The following SCGN variants were observed in gnomAD, a reference collection of about 807,000 sequenced individuals.
SCGN encodes secretagogin.
A neutral mutation model predicts 39.7 loss-of-function variants in SCGN; 30 were observed. The ratio of observed to expected loss-of-function variants is 0.76; its 90% CI spans 0.57 to 1.03. The LOEUF is 1.03. Ranked by LOEUF, SCGN falls within the 50% of genes least tolerant of loss-of-function variation. The probability of loss-of-function intolerance (pLI) is 0.00; values close to 1 mark genes in which losing one functional copy is unlikely to be tolerated. For synonymous variants in SCGN, 106 were observed against 114.1 expected, an observed-to-expected ratio of 0.93 and a Z score of 0.45; for missense variants, 353 against 349.4, an observed-to-expected ratio of 1.01 and a Z score of -0.08.
chr6:25,661,347 T>C (rs933189465), intron 2 of SCGN, among the ~76,000 whole-genome samples: 4 of 152,236 alleles, frequency 2.6e-5, no homozygotes, highest in Non-Finnish European at 2.9e-5. Context: ...CTAGTCAAGA[T>C]TCTGATTAGT....
intron 6 of SCGN, among the ~76,000 whole-genome samples, chr6:25,677,838 T>G (rs1416075540): frequency 2.0e-5 from 3 of 152,180 alleles, no homozygotes; most frequent in Non-Finnish European, 4.4e-5. Context: ...TAAGAATTGT[T>G]TTAAAAAGTC....
In SCGN at chr6:25,698,026, A is replaced by G. The variant is rs1228252338; in HGVS notation, c.703-3181A>G. On this transcript the variant is annotated intron_variant, in intron 10 of 10. Transcript: ENST00000377961. ...TCTGAAGATTAGAGTTAATATATTTAGAGCTCTTACCTCAGGAACCTATCT... is the reference window on the plus strand; with the variant it reads ...TCTGAAGATTAGAGTTAATATATTTGGAGCTCTTACCTCAGGAACCTATCT... Among the ~76,000 whole-genome samples the G allele has an allele frequency of 2.0e-5, 3 of 152,236 alleles. No homozygotes were observed. In the East Asian group the frequency reaches 5.8e-4, roughly 29 times the overall value.
chr6:25,683,827 A>C (rs1759668380), intron 7 of SCGN, among the ~76,000 whole-genome samples: 1 of 152,234 alleles, frequency 6.6e-6, no homozygotes. Flanking sequence ...AAGTATGTTA[A>C]TCTCTTAACA....
chr6:25,689,404 G>A (rs1057055791), intron 8 of SCGN, 69 bp from the exon 9 acceptor site: 3 of 1,463,694 alleles, frequency 2.0e-6, no homozygotes, highest in African/African-American at 2.8e-5. Context: ...ATTTGCCCAG[G>A]ACTCTGGAAG....
intron 4 of SCGN, among the ~76,000 whole-genome samples, 187 bp from the exon 5 acceptor site, chr6:25,669,324 T>G (rs1759459112): frequency 6.6e-6 from 1 of 152,132 alleles, no homozygotes; most frequent in South Asian, 2.1e-4. Context: ...TCCAAGTGAA[T>G]GCAGTGATCC....
rs576576322 is a variant in SCGN at position 25,654,905 on chromosome 6, C to T, written c.153+1453C>T. ...TTCTTTCCTCTGGTCAGACCACTTGCGCACACTCCTCTTTATCCTTCATTC... is the reference window on the plus strand; with the variant it reads ...TTCTTTCCTCTGGTCAGACCACTTGTGCACACTCCTCTTTATCCTTCATTC... On this transcript the variant is annotated intron_variant, in intron 2 of 10. Coordinates refer to ENST00000377961, the MANE Select transcript of SCGN (RefSeq NM_006998.4). Among the ~76,000 whole-genome samples the T allele has an allele frequency of 5.9e-5, 9 of 152,264 alleles. No homozygotes were observed. The South Asian group carries it at 6.2e-4, about 11-fold the overall frequency.
At chr6:25,667,477 C>A (rs1229034033) in intron 4 of SCGN, among the ~76,000 whole-genome samples, 1 of 152,166 alleles carries the variant, frequency 6.6e-6, no homozygotes, top group East Asian at 1.9e-4. Flanking sequence ...ACCACAGGGT[C>A]TTAACACACT....
intron 10 of SCGN, among the ~76,000 whole-genome samples, chr6:25,693,336 C>T (rs532874622): frequency 2.7e-5 from 4 of 150,460 alleles, no homozygotes; most frequent in Non-Finnish European, 3.0e-5. Context: ...CCTGTAGTCC[C>T]AGCTACTCAG....
intron 4 of SCGN, among the ~76,000 whole-genome samples, chr6:25,668,837 C>CTT (rs1759436492): frequency 6.6e-6 from 1 of 152,146 alleles, no homozygotes; most frequent in Admixed American, 6.5e-5. Context: ...ATTGGCCGGG[C>CTT]GCAGTGGCTC....
At chr6:25,694,297 G>A (rs930112123) in intron 10 of SCGN, among the ~76,000 whole-genome samples, 1 of 152,112 alleles carries the variant, frequency 6.6e-6, no homozygotes, top group East Asian at 1.9e-4. Flanking sequence ...GGTTTCCAAA[G>A]GCCAGTAGGA....
At chr6:25,668,687 G>T (rs1759433463) in intron 4 of SCGN, among the ~76,000 whole-genome samples, 1 of 149,906 alleles carries the variant, frequency 6.7e-6, no homozygotes, top group South Asian at 2.1e-4. Flanking sequence ...AGGCTTTGTT[G>T]CCAGGGACAG....
intron 4 of SCGN, 130 bp from the exon 5 acceptor site, chr6:25,669,380 TA>T: frequency 1.3e-6 from 1 of 779,796 alleles, no homozygotes; most frequent in Non-Finnish European, 2.1e-6. Flanking sequence ...AAAGAAAGCC[TA>T]AAGTTTCCAT....
chr6:25,700,178 G>T (rs1759891798), intron 10 of SCGN, among the ~76,000 whole-genome samples: 2 of 147,996 alleles, frequency 1.4e-5, no homozygotes, highest in African/African-American at 5.0e-5. Flanking sequence ...CCGGGAGACG[G>T]TAGTTGCAGT....
intron 2 of SCGN, among the ~76,000 whole-genome samples, chr6:25,655,611 T>G (rs16890900): frequency 0.28 from 42,928 of 152,022 alleles, 6,130 homozygotes; most frequent in African/African-American, 0.33. Flanking sequence ...GGGTTGGAAG[T>G]TCTCATAATC....
chr6:25,701,131 G>A, intron 10 of SCGN, 76 bp from the exon 11 acceptor site: 1 of 1,511,280 alleles, frequency 6.6e-7, no homozygotes, highest in African/African-American at 1.4e-5. Context: ...CTAAGCTTAG[G>A]GAGCATCAGA....
In SCGN at chr6:25,665,135, A is replaced by G. The variant is rs1582574484; in HGVS notation, c.336+103A>G. On this transcript the variant is annotated intron_variant, in intron 4 of 10. Coordinates refer to ENST00000377961, the MANE Select transcript of SCGN (RefSeq NM_006998.4). ...ACCACTCCTGCCCAGTGCTCAAGGG[A>G]GAGCTGAGCACAGAGGATAAGACCA... The G allele has an allele frequency of 3.5e-6, 3 of 861,730 alleles. No individual in the cohort carries two copies. In the East Asian group the frequency reaches 7.3e-5, roughly 21 times the overall value. The allele number at this position is 861,730 out of a possible 1,614,324, so 53.4% of individuals were successfully genotyped here.
chr6:25,700,413 T>C (rs989869872), intron 10 of SCGN, among the ~76,000 whole-genome samples: 1 of 152,150 alleles, frequency 6.6e-6, no homozygotes, highest in Non-Finnish European at 1.5e-5. Context: ...GAGCACTCAA[T>C]TGGAATCAGA....
intron 6 of SCGN, among the ~76,000 whole-genome samples, 183 bp downstream of exon 6, chr6:25,670,259 C>G (rs1210625701): frequency 6.6e-6 from 1 of 152,168 alleles, no homozygotes; most frequent in Non-Finnish European, 1.5e-5. Context: ...CTCTTGTGAC[C>G]AGGTTGCATC....
chr6:25,688,739 T>C (rs1231241915), intron 7 of SCGN, among the ~76,000 whole-genome samples: 1 of 145,422 alleles, frequency 6.9e-6, no homozygotes, highest in Non-Finnish European at 1.5e-5. Flanking sequence ...GAGGCGGAGC[T>C]TGCAGAGAGG....
Sources: gnomAD v4.1 joint callset for allele counts (sites outside exome capture counted in the v4.1 genomes callset) on GRCh38, gnomAD v4.1.1 for gene constraint, MANE v1.5 for transcripts, NCBI Gene and HGNC (gene_info 2026-07-23, HGNC 2026-07-21) for gene names.